The following CHD4 variants were observed in gnomAD, a reference collection of about 807,000 sequenced individuals.
The protein encoded by CHD4 is ATP-dependent chromatin remodeler CHD4.
A neutral mutation model predicts 235.5 loss-of-function variants in CHD4; 35 were observed. The ratio of observed to expected loss-of-function variants is 0.15; its 90% confidence interval spans 0.11 to 0.20. The LOEUF is 0.20. CHD4 is among the 10% of genes least tolerant of loss of function. The pLI is 1.00. For synonymous variants in CHD4, 900 were observed against 850.2 expected, an observed-to-expected ratio of 1.06 and a Z score of -1.02; for missense variants, 1,329 against 2,432.3, an observed-to-expected ratio of 0.55 and a Z score of 9.54.
Position 6,598,334 on chromosome 12 carries a change from G to T in CHD4, c.1574C>A (p.Ala525Asp). Residue 525 changes from alanine to aspartate, a missense_variant, in exon 11 of 40, where the codon GCT (alanine) becomes GAT (aspartate). Physicochemically the swap from Ala to Asp is moderately radical, Grantham distance 126. Around this residue, in one of 26 missense-constraint regions of CHD4, gnomAD observed 45 missense variants for 47.5 expected, o/e 0.95. Coordinates refer to ENST00000544040, the MANE Select transcript of CHD4 (RefSeq NM_001273.5). ...CTTTGGGGAGGGCGTGTTGGGATCA[G>T]CATCTGGAGGCCGAGGCACTGGTGT... ...SPTPVPRPPD[A>D]DPNTPSPKPL... is the part of the protein sequence containing the mutation. 1 of 1,614,176 alleles carries T rather than the reference G, an allele frequency of 6.2e-7. No individual in the cohort carries two copies. The highest frequency in any genetic ancestry group is 8.5e-7 in the Non-Finnish European group (1 of 1,180,018).
intron 2 of CHD4, among the ~76,000 whole-genome samples, chr12:6,605,287 A>G (rs1948672688): frequency 1.3e-5 from 2 of 152,216 alleles, no homozygotes; most frequent in Admixed American, 1.3e-4. Context: ...GACATGTAGA[A>G]AAAAAAATTA....
intron 22 of CHD4, among the ~76,000 whole-genome samples, chr12:6,590,920 C>A (rs1291991789): frequency 6.9e-6 from 1 of 145,528 alleles, no homozygotes; most frequent in East Asian, 1.9e-4. Flanking sequence ...GTCAGGAGAT[C>A]GAGACCATCT....
rs1316335574 is a variant in CHD4 at position 6,570,215 on chromosome 12, TC to T, written c.*460del. ...CGCTCAGTGGCTAGAGCCGCTGGGT[TC>T]CTGGTATTAAAAAGATGCCAACAGA... On this transcript the variant is annotated 3_prime_UTR_variant, in exon 40 of 40. Transcript: ENST00000544040. 1.2e-5 allele frequency: 2 copies of T among 162,968 alleles called. No homozygotes were observed. The highest frequency in any genetic ancestry group is 4.8e-5 in the African/African-American group (2 of 41,804). The allele number at this position is 162,968 out of a possible 1,614,324, so 10.1% of individuals were successfully genotyped here.
In CHD4 at chr12:6,573,054, G is replaced by A; in HGVS notation, c.5557+20C>T. On this transcript the variant is annotated intron_variant, in intron 38 of 39. Transcript: ENST00000544040. Reference sequence around the variant, plus strand: ...ATCAGGGAGGCCGAATCGGCAGGAGGCAGGGGAGCCACTGGCTACCTTTGT... The same window carrying A: ...ATCAGGGAGGCCGAATCGGCAGGAGACAGGGGAGCCACTGGCTACCTTTGT... The A allele has an allele frequency of 6.3e-7, 1 of 1,588,458 alleles. No individual in the cohort carries two copies. Among genetic ancestry groups the A allele is most frequent in the Non-Finnish European group, 8.5e-7 (1 of 1,171,060 alleles).
rs1948441401 is a variant in CHD4, at chr12:6,593,871, T to C, written c.2314-255A>G. On this transcript the variant is annotated intron_variant, in intron 15 of 39. Coordinates refer to ENST00000544040, the MANE Select transcript of CHD4 (RefSeq NM_001273.5). The surrounding 1 kb of genome is among the most constrained non-coding windows in gnomAD (Gnocchi z 4.9). Reference sequence around the variant, plus strand: ...TTTTTCTGAGACGGAGTTTCACTCTTGTTGCCCAGGCTGGAGTGCAATGGC... The same window carrying C: ...TTTTTCTGAGACGGAGTTTCACTCTCGTTGCCCAGGCTGGAGTGCAATGGC... Among the ~76,000 whole-genome samples the C allele has an allele frequency of 6.6e-6, 1 of 152,184 alleles. No homozygotes were observed. The highest frequency in any genetic ancestry group is 1.9e-4 in the East Asian group (1 of 5,202).
Position 6,598,317 on chromosome 12 carries a change from A to C in CHD4, c.1591T>G (p.Ser531Ala). The change falls in exon 11 of 40, where the codon TCC (serine) becomes GCC (alanine). Residue 531 changes from serine (S) to alanine (A), a missense_variant. Coordinates refer to ENST00000544040, the MANE Select transcript of CHD4 (RefSeq NM_001273.5). ...GGCCGCCCCTCCAAGGGCTTTGGGG[A>C]GGGCGTGTTGGGATCAGCATCTGGA... ...RPPDADPNTPSPKPLEGRPER... is the reference protein window; with the variant it reads ...RPPDADPNTPAPKPLEGRPER... 1.9e-6 allele frequency: 3 copies of C among 1,614,074 alleles called. No homozygotes were observed. Among genetic ancestry groups the C allele is most frequent in the Non-Finnish European group, 2.5e-6 (3 of 1,179,962 alleles).
chr12:6,583,148 T>C (rs1419453564), intron 26 of CHD4, 35 bp from the exon 27 acceptor site: 19 of 1,257,420 alleles, frequency 1.5e-5, no homozygotes, highest in Non-Finnish European at 1.9e-5. Flanking sequence ...CGGGGCCCAC[T>C]GCTCTAGTGG....
rs769083537 is a variant in CHD4 at position 6,578,155 on chromosome 12, G to A, written c.5120-18C>T. The A allele has an allele frequency of 5.6e-6, 9 of 1,602,342 alleles. No individual in the cohort carries two copies. The highest frequency in any genetic ancestry group is 7.7e-6 in the Non-Finnish European group (9 of 1,172,602). Reference sequence around the variant, plus strand: ...GTGCAACTCTGAGGAGGAATTTAGGGAAGGTTGGGGGTGGGGGGAAGCAAA... The same window carrying A: ...GTGCAACTCTGAGGAGGAATTTAGGAAAGGTTGGGGGTGGGGGGAAGCAAA... On this transcript the variant is annotated intron_variant, in intron 35 of 39. Coordinates refer to ENST00000544040, the MANE Select transcript of CHD4 (RefSeq NM_001273.5).
intron 15 of CHD4, 120 bp downstream of exon 15, chr12:6,594,337 CCA>C (rs1948448911): frequency 3.9e-6 from 3 of 760,832 alleles, no homozygotes; most frequent in Admixed American, 2.7e-5. Flanking sequence ...TATCTATTAT[CCA>C]CAGTGTTCTT....
chr12:6,605,779 C>T (rs543992350), intron 2 of CHD4, among the ~76,000 whole-genome samples: 1 of 152,322 alleles, frequency 6.6e-6, no homozygotes, highest in Non-Finnish European at 1.5e-5. Context: ...GTTCAGACAG[C>T]ACAGAAAACC....
chr12:6,598,821 A>G (rs1380381541), intron 10 of CHD4, among the ~76,000 whole-genome samples: 8 of 152,144 alleles, frequency 5.3e-5, no homozygotes, highest in African/African-American at 1.9e-4. Flanking sequence ...AAAAATAAAA[A>G]AAGATCTCAT....
In CHD4 at chr12:6,572,082, C is replaced by T. The variant is rs59172392; in HGVS notation, c.5557+992G>A. 8.8e-3 allele frequency among the ~76,000 whole-genome samples: 1,329 copies of T among 150,926 alleles called. 15 individuals carry two copies. The highest frequency in any genetic ancestry group is 0.03 in the African/African-American group (1,216 of 41,026). ...CGGAGGTTGCAGTGAGCCGAGATCA[C>T]GCCATTGCACCCCAGCCTGGGCAAC... On this transcript the variant is annotated intron_variant, in intron 38 of 39. Coordinates refer to ENST00000544040, the MANE Select transcript of CHD4 (RefSeq NM_001273.5).
rs1415428403 is a variant in CHD4 at position 6,577,869 on chromosome 12, G to A, written c.5277C>T (p.Ala1759=). 6.2e-7 allele frequency: 1 copy of A among 1,614,206 alleles called. No homozygotes were observed. Among genetic ancestry groups the A allele is most frequent in the Admixed American group, 1.7e-5 (1 of 60,030 alleles). The change falls in exon 37 of 40, where the codon GCC becomes GCT. Residue 1759 remains alanine (A), a synonymous_variant. Coordinates refer to ENST00000544040, the MANE Select transcript of CHD4 (RefSeq NM_001273.5). ...CACCCTTGAAAGGCTCATTGAGGATGGCATAGCGTGGGTCATTCTGGATGT... is the reference window on the plus strand; with the variant it reads ...CACCCTTGAAAGGCTCATTGAGGATAGCATAGCGTGGGTCATTCTGGATGT... The part of the protein sequence containing the change: ...WQDIQNDPRY[A]ILNEPFKGEM...
chr12:6,602,531 A>C, intron 2 of CHD4, 34 bp from the exon 3 acceptor site: 1 of 1,606,216 alleles, frequency 6.2e-7, no homozygotes, highest in Non-Finnish European at 8.5e-7. Context: ...GTAGGCAGGG[A>C]AAAGATCAAT....
rs760383433 is a variant in CHD4 at position 6,581,684 on chromosome 12, G to A, written c.4646C>T (p.Thr1549Met). ...GACAGGTGCAGGAGTGTTGGGCTGC[G>A]TGTCCCCTGGAGTGGAGGGTGTAGG... is the stretch of plus-strand genomic sequence containing the variant. ...KTPTPSTPGD[T>M]QPNTPAPVPP... Residue 1549 changes from threonine (T) to methionine (M), a missense_variant, in exon 31 of 40, where the codon ACG (threonine) becomes ATG (methionine). Thr to Met is a moderately conservative substitution (Grantham distance 81). Around this residue, in one of 26 missense-constraint regions of CHD4, gnomAD observed 219 missense variants for 219.3 expected, o/e 1.00. Transcript: ENST00000544040. 8.1e-6 allele frequency: 13 copies of A among 1,610,926 alleles called. No homozygotes were observed. Among genetic ancestry groups the A allele is most frequent in the South Asian group, 2.2e-5 (2 of 90,770 alleles).
In CHD4 at chr12:6,597,858, C is replaced by T. The variant is rs200095004; in HGVS notation, c.1892+36G>A. The T allele has an allele frequency of 1.3e-4, 204 of 1,568,168 alleles. No individual in the cohort carries two copies. The African/African-American group carries it at 2.6e-3, about 20-fold the overall frequency. ...CAATCTCTTTAGCAGGACTCTCCCA[C>T]GGAGACTGCCCGTCTCCCGTGTGCT... On this transcript the variant is annotated intron_variant, in intron 12 of 39. Coordinates refer to ENST00000544040, the MANE Select transcript of CHD4 (RefSeq NM_001273.5).
At chr12:6,582,795 C>G (rs1948218394) in intron 28 of CHD4, 47 bp from the exon 29 acceptor site, 3 of 1,613,944 alleles carry the variant, frequency 1.9e-6, no homozygotes, top group African/African-American at 2.7e-5. Context: ...TCGCATTCCA[C>G]CAAAGATGCA....
intron 30 of CHD4, 116 bp downstream of exon 30, chr12:6,582,021 T>G: frequency 8.0e-7 from 1 of 1,252,318 alleles, no homozygotes. Context: ...CAGGCTAGTC[T>G]CTAACTCCTG....
Position 6,593,650 on chromosome 12 carries a change from G to GCC in CHD4, c.2314-36_2314-35dup. ...AAAAAGAGGAGAGTCAGGACTGAGG[G>GCC]CCCCAGCACACTGCAACCCCAGCGA... On this transcript the variant is annotated intron_variant, in intron 15 of 39. Transcript: ENST00000544040. This position sits in a 1 kb window ranked among gnomAD's most constrained non-coding sequence, Gnocchi z 4.9. 1 of 1,600,464 alleles carries GCC rather than the reference G, an allele frequency of 6.2e-7. No homozygotes were observed. Among genetic ancestry groups the GCC allele is most frequent in the East Asian group, 2.2e-5 (1 of 44,762 alleles).
Sources: gnomAD v4.1 joint callset for allele counts (sites outside exome capture counted in the v4.1 genomes callset) on GRCh38, gnomAD v4.1.1 for gene constraint, gnomAD v4.1.1 regional missense constraint, Gnocchi (gnomAD v3.1) non-coding constraint, MANE v1.5 for transcripts, NCBI Gene and HGNC (gene_info 2026-07-23, HGNC 2026-07-21) for gene names.